DOCK2: variants seen among roughly 807,000 people sequenced by gnomAD.
DOCK2 encodes the protein dedicator of cytokinesis protein 2.
A neutral mutation model predicts 248.9 loss-of-function variants in DOCK2; 87 were observed. The observed-to-expected ratio is 0.35, with a 90% CI of 0.29 to 0.42. DOCK2 has a LOEUF of 0.42. Ranked by LOEUF, DOCK2 falls within the 10% of genes least tolerant of loss-of-function variation. The probability of loss-of-function intolerance (pLI) is 1.00; values close to 1 mark genes in which losing one functional copy is unlikely to be tolerated. For missense variants in DOCK2, 1,747 were observed against 2,300.2 expected (o/e 0.76, Z 4.92); for synonymous variants, 805 against 821.6 (o/e 0.98, Z 0.35).
chr5:169,651,288 G>T (rs1581384222), intron 1 of DOCK2, among the ~76,000 whole-genome samples: 1 of 152,188 alleles, frequency 6.6e-6, no homozygotes, highest in Admixed American at 6.5e-5. Flanking sequence ...TAAATTAAGT[G>T]CCAAAGTCAG....
chr5:169,705,822 C>A (rs1045770818), intron 14 of DOCK2, among the ~76,000 whole-genome samples: 1 of 152,164 alleles, frequency 6.6e-6, no homozygotes, highest in Non-Finnish European at 1.5e-5. Flanking sequence ...CCTGGTTTTT[C>A]TTCCTGCAGA....
chr5:169,902,967 A>G (rs767030996), intron 27 of DOCK2, among the ~76,000 whole-genome samples: 53 of 152,040 alleles, frequency 3.5e-4, no homozygotes, highest in East Asian at 9.7e-4. Context: ...GTGTGGTGGC[A>G]CATGCCTGTA....
chr5:169,856,588 T>C (rs1438014398), intron 27 of DOCK2, among the ~76,000 whole-genome samples: 1 of 152,194 alleles, frequency 6.6e-6, no homozygotes, highest in Non-Finnish European at 1.5e-5. Flanking sequence ...TCTCAGCTAC[T>C]GAAGGTATAT....
chr5:169,879,685 T>C (rs1415215662), intron 27 of DOCK2, among the ~76,000 whole-genome samples: 2 of 152,210 alleles, frequency 1.3e-5, no homozygotes, highest in East Asian at 3.8e-4. Flanking sequence ...AAGGTCATAG[T>C]TTAGCCAAAT....
chr5:170,053,080 G>A (rs1010206307), intron 41 of DOCK2, among the ~76,000 whole-genome samples: 3 of 152,238 alleles, frequency 2.0e-5, no homozygotes, highest in Non-Finnish European at 2.9e-5. Flanking sequence ...GGAGTCTGCA[G>A]TTGCCCAGCC....
intron 27 of DOCK2, among the ~76,000 whole-genome samples, chr5:169,946,425 T>C (rs1776451457): frequency 6.6e-6 from 1 of 152,220 alleles, no homozygotes. Flanking sequence ...TGTTCTTAGC[T>C]GGTTTTCATA....
intron 36 of DOCK2, among the ~76,000 whole-genome samples, chr5:170,039,108 G>A (rs1312879286): frequency 6.6e-6 from 1 of 152,144 alleles, no homozygotes. Context: ...CTTTTAACCT[G>A]GATCTCAGTT....
chr5:169,761,651 G>GT, intron 25 of DOCK2, 26 bp downstream of exon 25: 1 of 1,601,184 alleles, frequency 6.2e-7, no homozygotes, highest in Non-Finnish European at 8.6e-7. Flanking sequence ...CCTTGCTGGG[G>GT]TGGGGTAAGG....
chr5:170,076,035 T>C lies in DOCK2; in HGVS notation c.4817T>C (p.Phe1606Ser), dbSNP rs762501415. ...RPFHDRMEECFKNLKMKVEKE... is the reference protein window; with the variant it reads ...RPFHDRMEECSKNLKMKVEKE... ...TTCCATGACCGGATGGAGGAATGTT[T>C]CAAGAACCTGAAAATGAAGGTGGAG... is the stretch of plus-strand genomic sequence containing the variant. The change falls in exon 47 of 52, where the codon TTC (phenylalanine) becomes TCC (serine). Residue 1606 changes from phenylalanine to serine, a missense_variant. By Grantham distance (155) the Phe-to-Ser change is radical (BLOSUM62 -2). Coordinates refer to ENST00000520908, the MANE Select transcript of DOCK2 (RefSeq NM_004946.3). 6.2e-7 allele frequency: 1 copy of C among 1,612,286 alleles called. No individual in the cohort carries two copies. The highest frequency in any genetic ancestry group is 1.3e-5 in the African/African-American group (1 of 74,928).
rs1391893436 is a variant in DOCK2 at position 170,079,036 on chromosome 5, C to T, written c.5056C>T (p.Pro1686Ser). 2 of 1,614,102 alleles carry T rather than the reference C, an allele frequency of 1.2e-6. No individual in the cohort carries two copies. Among genetic ancestry groups the T allele is most frequent in the Non-Finnish European group, 1.7e-6 (2 of 1,180,028 alleles). ...AGTGGAGCAGGAGGAACCGATCTCC[C>T]CGGGGAGCACCCTGCCTGAGGTCAA... ...PRVEQEEPISPGSTLPEVKLR... is the reference protein window; with the variant it reads ...PRVEQEEPISSGSTLPEVKLR... Residue 1686 changes from proline to serine, a missense_variant, in exon 49 of 52, where the codon CCG (proline) becomes TCG (serine). Around this residue, in one of 4 missense-constraint regions of DOCK2, gnomAD observed 513 missense variants for 586.1 expected, o/e 0.88. Coordinates refer to ENST00000520908, the MANE Select transcript of DOCK2 (RefSeq NM_004946.3).
chr5:169,749,220 A>C (rs369039052), intron 23 of DOCK2, among the ~76,000 whole-genome samples: 8 of 152,362 alleles, frequency 5.3e-5, no homozygotes, highest in African/African-American at 1.9e-4. Flanking sequence ...CCTGAGGCTA[A>C]ATTTGGCCCT....
chr5:169,765,070 GCACACA>G (rs142755026), intron 25 of DOCK2, among the ~76,000 whole-genome samples: 7 of 146,500 alleles, frequency 4.8e-5, no homozygotes, highest in Admixed American at 1.4e-4. Flanking sequence ...CTCTTTTAGC[GCACACA>G]CACACACACA....
chr5:169,957,414 T>G (rs1270873648), intron 27 of DOCK2, among the ~76,000 whole-genome samples: 1 of 152,192 alleles, frequency 6.6e-6, no homozygotes, highest in Non-Finnish European at 1.5e-5. Flanking sequence ...ACTCAACCAA[T>G]GTTAGCTTAG....
intron 22 of DOCK2, among the ~76,000 whole-genome samples, chr5:169,736,296 A>T (rs1763038422): frequency 6.6e-6 from 1 of 152,192 alleles, no homozygotes; most frequent in Non-Finnish European, 1.5e-5. Context: ...CAGGCCAGGT[A>T]TGCACAGCTG....
intron 27 of DOCK2, among the ~76,000 whole-genome samples, chr5:169,961,060 T>A (rs751159922): frequency 1.6e-4 from 25 of 152,216 alleles, no homozygotes; most frequent in Non-Finnish European, 3.5e-4. Flanking sequence ...CACCCCAGTA[T>A]ATTGCATGAG....
chr5:169,856,308 G>A (rs1243196975), intron 27 of DOCK2, among the ~76,000 whole-genome samples: 1 of 152,192 alleles, frequency 6.6e-6, no homozygotes, highest in Non-Finnish European at 1.5e-5. Context: ...ACCAGCCCCT[G>A]AGCTCTTTGG....
intron 27 of DOCK2, among the ~76,000 whole-genome samples, chr5:169,920,277 T>C (rs1185655632): frequency 6.6e-6 from 1 of 152,176 alleles, no homozygotes. Context: ...CAAAACATAA[T>C]TAAACACAAT....
At chr5:169,856,586 A>G (rs1770908800) in intron 27 of DOCK2, among the ~76,000 whole-genome samples, 1 of 152,206 alleles carries the variant, frequency 6.6e-6, no homozygotes, top group African/African-American at 2.4e-5. Context: ...ACTCTCAGCT[A>G]CTGAAGGTAT....
intron 27 of DOCK2, among the ~76,000 whole-genome samples, chr5:169,849,931 C>A (rs1220667360): frequency 6.6e-6 from 1 of 152,190 alleles, no homozygotes; most frequent in African/African-American, 2.4e-5. Flanking sequence ...TGAACACCTG[C>A]TAAATGAATG....
Sources: gnomAD v4.1 joint callset for allele counts (sites outside exome capture counted in the v4.1 genomes callset) on GRCh38, gnomAD v4.1.1 for gene constraint, gnomAD v4.1.1 regional missense constraint, MANE v1.5 for transcripts, NCBI Gene and HGNC (gene_info 2026-07-23, HGNC 2026-07-21) for gene names.